Variants in RIMS1 observed in about 807,000 individuals in gnomAD.
The protein encoded by RIMS1 is regulating synaptic membrane exocytosis 1.
Under a neutral mutation model 214.1 loss-of-function variants are expected in RIMS1, and 83 were observed. That is an observed-to-expected ratio of 0.39 (90% CI 0.32 to 0.47). RIMS1 has a LOEUF of 0.47. Among genes scored for constraint, RIMS1 ranks in the 20% least tolerant of loss-of-function variants. RIMS1 has a pLI of 0.99. For missense variants in RIMS1, 2,050 were observed against 2,161.8 expected, an observed-to-expected ratio of 0.95 and a Z score of 1.03; for synonymous variants, 793 against 786.8, an observed-to-expected ratio of 1.01 and a Z score of -0.13.
rs1420876675 is a variant in RIMS1, at chr6:72,000,347, C to T, written c.245+31284C>T. ...CAAGATATGACAACATTTCAAGTTA[C>T]ATAAATATATTCCTCAAGCATATCT... On this transcript the variant is annotated intron_variant, in intron 2 of 33. Transcript: ENST00000521978. Among the ~76,000 whole-genome samples, 4 of 152,142 alleles carry T rather than the reference C, an allele frequency of 2.6e-5. No homozygotes were observed. In the South Asian group the frequency reaches 6.2e-4, roughly 24 times the overall value.
intron 2 of RIMS1, among the ~76,000 whole-genome samples, chr6:72,013,546 G>A (rs577711479): frequency 1.3e-5 from 2 of 152,306 alleles, no homozygotes; most frequent in African/African-American, 2.4e-5. Context: ...GTGTGAAAAT[G>A]TGGACTAAGT....
At chr6:72,077,056 T>A (rs1425991131) in intron 2 of RIMS1, among the ~76,000 whole-genome samples, 1 of 152,226 alleles carries the variant, frequency 6.6e-6, no homozygotes, top group East Asian at 1.9e-4. Context: ...TCGTCTGCCC[T>A]GACCCAAGCT....
At chr6:72,047,805 A>G (rs992886276) in intron 2 of RIMS1, among the ~76,000 whole-genome samples, 5 of 152,182 alleles carry the variant, frequency 3.3e-5, no homozygotes, top group African/African-American at 9.6e-5. Context: ...TGTTAATTCT[A>G]TTCTCTTTGT....
intron 2 of RIMS1, among the ~76,000 whole-genome samples, chr6:72,040,618 T>C (rs951868356): frequency 2.6e-5 from 4 of 151,904 alleles, no homozygotes; most frequent in African/African-American, 7.2e-5. Flanking sequence ...ATAAAATATG[T>C]AAGTAGTTTT....
chr6:72,283,763 C>A (rs1214629169), intron 23 of RIMS1, among the ~76,000 whole-genome samples: 1 of 152,152 alleles, frequency 6.6e-6, no homozygotes, highest in Non-Finnish European at 1.5e-5. Context: ...AGTAGGGGTT[C>A]ATATTAGATC....
intron 1 of RIMS1, among the ~76,000 whole-genome samples, chr6:71,909,142 A>G (rs1776165100): frequency 2.0e-5 from 3 of 151,966 alleles, no homozygotes; most frequent in Admixed American, 6.6e-5. Context: ...GGCACCCACC[A>G]CCATGCCCAG....
In RIMS1 at chr6:72,245,877, C is replaced by A. The variant is rs762018418; in HGVS notation, c.2128+16C>A. 8 of 1,553,290 alleles carry A rather than the reference C, an allele frequency of 5.2e-6. No individual in the cohort carries two copies. The African/African-American group carries it at 1.1e-4, about 21-fold the overall frequency. ...CTGGAGTCCAGTGAGTATAAGGTTTCTTTGTTATTATAAAAGTATTGAACT... is the reference window on the plus strand; with the variant it reads ...CTGGAGTCCAGTGAGTATAAGGTTTATTTGTTATTATAAAAGTATTGAACT... On this transcript the variant is annotated intron_variant, in intron 11 of 33. Transcript: ENST00000521978.
At chr6:72,346,791 G>GT (rs1260771156) in intron 29 of RIMS1, among the ~76,000 whole-genome samples, 1 of 151,824 alleles carries the variant, frequency 6.6e-6, no homozygotes, top group Non-Finnish European at 1.5e-5. Context: ...AATAAACATA[G>GT]TTTTATTGAA....
Position 72,099,998 on chromosome 6 carries a change from T to C in RIMS1, c.471+12T>C. ...AGGAGGACAAAGTGGTTAGAATCCATACTTTCTTTTCTATCATTTGTTATT... is the reference window on the plus strand; with the variant it reads ...AGGAGGACAAAGTGGTTAGAATCCACACTTTCTTTTCTATCATTTGTTATT... On this transcript the variant is annotated intron_variant, in intron 4 of 33. Coordinates refer to ENST00000521978, the MANE Select transcript of RIMS1 (RefSeq NM_014989.7). 2 of 1,594,410 alleles carry C rather than the reference T, an allele frequency of 1.3e-6. No homozygotes were observed. The highest frequency in any genetic ancestry group is 1.1e-5 in the South Asian group (1 of 90,334).
At chr6:72,223,887 G>T (rs1456814900) in intron 6 of RIMS1, among the ~76,000 whole-genome samples, 2 of 146,388 alleles carry the variant, frequency 1.4e-5, no homozygotes, top group Admixed American at 1.4e-4. Flanking sequence ...GGTGGAGTTT[G>T]CAGTGAGCCG....
chr6:72,102,840 A>G (rs1413142297), intron 4 of RIMS1, among the ~76,000 whole-genome samples: 6 of 152,148 alleles, frequency 3.9e-5, no homozygotes, highest in African/African-American at 1.4e-4. Context: ...AATGATTTGC[A>G]TGATTGCATT....
chr6:71,963,336 C>G (rs6926949), intron 1 of RIMS1, among the ~76,000 whole-genome samples: 5 of 152,058 alleles, frequency 3.3e-5, no homozygotes, highest in Admixed American at 6.6e-5. Flanking sequence ...CTTTCTTCAT[C>G]GGCCAAGTAG....
intron 2 of RIMS1, among the ~76,000 whole-genome samples, chr6:72,078,181 A>G (rs1310046929): frequency 6.6e-6 from 1 of 152,198 alleles, no homozygotes; most frequent in African/African-American, 2.4e-5. Flanking sequence ...TTATGTGGTT[A>G]TAGTAGGATT....
chr6:72,027,302 A>G (rs1272955493), intron 2 of RIMS1, among the ~76,000 whole-genome samples: 1 of 152,142 alleles, frequency 6.6e-6, no homozygotes, highest in Non-Finnish European at 1.5e-5. Context: ...CAAATAGGTC[A>G]TGTGGCCCTG....
At chr6:72,064,169 T>C (rs916730735) in intron 2 of RIMS1, among the ~76,000 whole-genome samples, 2 of 152,114 alleles carry the variant, frequency 1.3e-5, no homozygotes, top group Admixed American at 6.5e-5. Flanking sequence ...AACACAAAAA[T>C]TAGCCAGGCA....
At chr6:72,376,075 G>T (rs1271088006) in intron 29 of RIMS1, among the ~76,000 whole-genome samples, 1 of 152,098 alleles carries the variant, frequency 6.6e-6, no homozygotes, top group African/African-American at 2.4e-5. Context: ...GTTTTGGAGG[G>T]ACTGACCCTA....
chr6:72,073,611 A>G (rs1004246827), intron 2 of RIMS1, among the ~76,000 whole-genome samples: 1 of 152,222 alleles, frequency 6.6e-6, no homozygotes, highest in African/African-American at 2.4e-5. Context: ...GAAAAATGCC[A>G]TATTAAATTT....
chr6:72,357,995 C>T (rs2097699519), intron 29 of RIMS1, among the ~76,000 whole-genome samples: 1 of 147,264 alleles, frequency 6.8e-6, no homozygotes, highest in African/African-American at 2.5e-5. Context: ...ATAACTTTCA[C>T]ACATTATACA....
At position 71,900,094 on chromosome 6, in the gene RIMS1, A is replaced by G. The variant is rs551378666; in HGVS notation, c.164+12907A>G. ...TACTTTATCAGGAATTTTGACTAAG[A>G]TCAGGTTATCCAGGTGTGCTTCCCA... On this transcript the variant is annotated intron_variant, in intron 1 of 33. Transcript: ENST00000521978. Among the ~76,000 whole-genome samples the G allele has an allele frequency of 2.0e-5, 3 of 152,290 alleles. No homozygotes were observed. In the East Asian group the frequency reaches 5.8e-4, roughly 29 times the overall value.
Sources: allele counts gnomAD v4.1 joint callset (sites outside exome capture counted in the v4.1 genomes callset), GRCh38; gene constraint gnomAD v4.1.1; transcripts MANE v1.5; gene names NCBI Gene and HGNC (gene_info 2026-07-23, HGNC 2026-07-21).